Variants in STIM1 observed in about 807,000 individuals in gnomAD.
The protein encoded by STIM1 is stromal interaction molecule 1.
A neutral mutation model predicts 74.7 loss-of-function variants in STIM1; 25 were observed. The observed-to-expected ratio is 0.33, with a 90% CI of 0.24 to 0.47. The LOEUF is 0.47. Ranked by LOEUF, STIM1 falls within the 20% of genes least tolerant of loss-of-function variation. The probability of loss-of-function intolerance (pLI) is 1.00; values close to 1 mark genes in which losing one functional copy is unlikely to be tolerated. For synonymous variants in STIM1, 328 were observed against 348.8 expected (o/e 0.94, Z 0.66); for missense variants, 728 against 920.8 (o/e 0.79, Z 2.71).
chr11:4,050,264 G>T (rs563104520), intron 3 of STIM1, among the ~76,000 whole-genome samples: 4 of 152,320 alleles, frequency 2.6e-5, no homozygotes, highest in African/African-American at 9.6e-5. Context: ...TTTACCTGAA[G>T]CATATTAGCT....
chr11:3,862,028 G>T (rs2090632597), intron 1 of STIM1, among the ~76,000 whole-genome samples: 1 of 152,072 alleles, frequency 6.6e-6, no homozygotes, highest in Non-Finnish European at 1.5e-5. Flanking sequence ...AGGTTTGGTT[G>T]TTGTCAGGCT....
intron 1 of STIM1, among the ~76,000 whole-genome samples, chr11:3,929,153 G>T (rs1280985950): frequency 6.6e-6 from 1 of 152,234 alleles, no homozygotes; most frequent in Non-Finnish European, 1.5e-5. Context: ...GATGATTCTT[G>T]TTAAATTTTC....
chr11:3,870,942 G>T (rs1243390997), intron 1 of STIM1, among the ~76,000 whole-genome samples: 1 of 142,014 alleles, frequency 7.0e-6, no homozygotes, highest in Non-Finnish European at 1.5e-5. Flanking sequence ...GTGCGATCTC[G>T]GCTCACTGCA....
In STIM1 at chr11:3,984,440, T is replaced by C. The variant is rs150403232; in HGVS notation, c.270+16758T>C. ...GACAGAACAGAGATAGCTGACACCATGAATGACATAATTTTTCAAGTGAAA... is the reference window on the plus strand; with the variant it reads ...GACAGAACAGAGATAGCTGACACCACGAATGACATAATTTTTCAAGTGAAA... On this transcript the variant is annotated intron_variant, in intron 2 of 12. Coordinates refer to ENST00000526596, the MANE Select transcript of STIM1 (RefSeq NM_001382567.1). 4.6e-3 allele frequency among the ~76,000 whole-genome samples: 694 copies of C among 152,284 alleles called. 19 individuals carry two copies. Among genetic ancestry groups the C allele is most frequent in the Admixed American group, 0.043 (660 of 15,292 alleles).
chr11:3,902,375 C>A (rs575412479), intron 1 of STIM1, among the ~76,000 whole-genome samples: 15 of 152,298 alleles, frequency 9.8e-5, no homozygotes, highest in Middle Eastern at 3.4e-3. Context: ...GAGCAGCGAT[C>A]CCCAATCTTT....
rs1565091023 is a variant in STIM1, at chr11:3,856,370, A to T, written c.100A>T (p.Thr34Ser). Reference sequence around the variant, plus strand: ...TAGTCACAGTGAGAAGGCGACAGGAACCAGCTCGGGGGCCAACTCTGAGGA... The same window carrying T: ...TAGTCACAGTGAGAAGGCGACAGGATCCAGCTCGGGGGCCAACTCTGAGGA... ...SHSHSEKATG[T>S]SSGANSEEST... Residue 34 changes from threonine (T) to serine (S), a missense_variant, in exon 1 of 13, where the codon ACC becomes TCC. Thr to Ser is a moderately conservative substitution (Grantham distance 58). Transcript: ENST00000526596. 2.5e-6 allele frequency: 4 copies of T among 1,614,156 alleles called. No individual in the cohort carries two copies. Among genetic ancestry groups the T allele is most frequent in the Non-Finnish European group, 2.5e-6 (3 of 1,180,036 alleles).
intron 1 of STIM1, among the ~76,000 whole-genome samples, chr11:3,884,373 T>C (rs2091629180): frequency 6.6e-6 from 1 of 152,172 alleles, no homozygotes; most frequent in Non-Finnish European, 1.5e-5. Flanking sequence ...CTTTCCCAAG[T>C]TGAGAGGATG....
At chr11:4,058,333 T>C (rs1372999823) in intron 4 of STIM1, among the ~76,000 whole-genome samples, 1 of 152,172 alleles carries the variant, frequency 6.6e-6, no homozygotes, top group Non-Finnish European at 1.5e-5. Context: ...CTGCGTCTCT[T>C]ACTGGTGGGC....
At chr11:3,966,775 G>A (rs1167982501) in intron 1 of STIM1, among the ~76,000 whole-genome samples, 1 of 152,222 alleles carries the variant, frequency 6.6e-6, no homozygotes, top group Non-Finnish European at 1.5e-5. Flanking sequence ...CCTATTGTGT[G>A]CATCATTCAG....
chr11:4,007,304 T>A (rs553549338), intron 2 of STIM1, among the ~76,000 whole-genome samples: 1 of 152,308 alleles, frequency 6.6e-6, no homozygotes, highest in South Asian at 2.1e-4. Context: ...TCTGAAATAG[T>A]AAATCCCTTT....
intron 1 of STIM1, among the ~76,000 whole-genome samples, chr11:3,895,707 T>C (rs1215928230): frequency 0.015 from 542 of 36,560 alleles, 35 homozygotes; most frequent in African/African-American, 0.035. Context: ...TCTTTCTTTC[T>C]TTCTTTCTTT....
chr11:3,969,986 C>G (rs147701454), intron 2 of STIM1, among the ~76,000 whole-genome samples: 160 of 152,144 alleles, frequency 1.1e-3, no homozygotes, highest in Admixed American at 2.9e-3. Flanking sequence ...GTCCCAGGGC[C>G]TGGCCAGAAA....
rs554509919 is a variant in STIM1, at chr11:3,882,543, G to A, written c.139+26134G>A. Among the ~76,000 whole-genome samples the A allele has an allele frequency of 3.9e-4, 59 of 152,160 alleles. 2 individuals are homozygous for A. The South Asian group carries it at 0.011, about 27-fold the overall frequency. ...GTGCTGTTAAGAATTTGTGTGCACC[G>A]TTTACCTATGTACCAAACCTACACA... is the stretch of plus-strand genomic sequence containing the variant. On this transcript the variant is annotated intron_variant, in intron 1 of 12. Coordinates refer to ENST00000526596, the MANE Select transcript of STIM1 (RefSeq NM_001382567.1).
intron 7 of STIM1, among the ~76,000 whole-genome samples, chr11:4,076,898 G>T (rs1417087085): frequency 6.6e-6 from 1 of 151,628 alleles, no homozygotes. Flanking sequence ...AACATATGCT[G>T]TGTGGGTGTA....
Position 3,933,445 on chromosome 11 carries a change from A to G in STIM1, c.140-34107A>G, listed in dbSNP as rs565972970. Among the ~76,000 whole-genome samples, 3 of 152,334 alleles carry G rather than the reference A, an allele frequency of 2.0e-5. No homozygotes were observed. The South Asian group carries it at 6.2e-4, about 32-fold the overall frequency. ...AGTTTAGTGAACTAAGTAAACAAGT[A>G]AGTAGTGGTTTGGGGTTAGAGTTTA... On this transcript the variant is annotated intron_variant, in intron 1 of 12. Transcript: ENST00000526596.
upstream of STIM1, chr11:3,854,993 A>G (rs2090308405): frequency 6.6e-6 from 1 of 152,264 alleles, no homozygotes; most frequent in Non-Finnish European, 1.5e-5. Context: ...ACCCTCTGCA[A>G]AAGAGCAGGC....
At chr11:3,983,205 A>T (rs1055608297) in intron 2 of STIM1, among the ~76,000 whole-genome samples, 2 of 152,146 alleles carry the variant, frequency 1.3e-5, no homozygotes, top group South Asian at 4.1e-4. Context: ...AAGTGTTGGG[A>T]TTACAAGTGT....
At chr11:3,989,208 C>G in intron 2 of STIM1, 1 of 911,788 alleles carries the variant, frequency 1.1e-6, no homozygotes, top group South Asian at 1.3e-5. Context: ...CTGGACTCTC[C>G]TCAGTTTTCT....
intron 6 of STIM1, among the ~76,000 whole-genome samples, chr11:4,074,185 C>A (rs1415545804): frequency 1.2e-4 from 18 of 152,116 alleles, no homozygotes; most frequent in Admixed American, 1.2e-3. Flanking sequence ...GCTGGGAGGA[C>A]AAATGGGAAA....
Sources: gnomAD v4.1 joint callset for allele counts (sites outside exome capture counted in the v4.1 genomes callset) on GRCh38, gnomAD v4.1.1 for gene constraint, MANE v1.5 for transcripts, NCBI Gene and HGNC (gene_info 2026-07-23, HGNC 2026-07-21) for gene names.